Variants in VRTN observed in about 807,000 individuals in gnomAD.
VRTN encodes the protein vertebrae development associated.
In VRTN, 5 loss-of-function variants were observed where a neutral mutation model predicts 18.2. The observed-to-expected ratio is 0.27, with a 90% CI of 0.14 to 0.58. VRTN has a LOEUF of 0.58. Ranked by LOEUF, VRTN falls within the 20% of genes least tolerant of loss-of-function variation. The probability of loss-of-function intolerance (pLI) is 0.91; values close to 1 mark genes in which losing one functional copy is unlikely to be tolerated. For missense variants in VRTN, 741 were observed against 939.4 expected (o/e 0.79, Z 2.76); for synonymous variants, 381 against 393.7 (o/e 0.97, Z 0.38).
chr14:74,311,834 T>C (rs1046435181), intron 1 of VRTN, among the ~76,000 whole-genome samples: 3 of 151,958 alleles, frequency 2.0e-5, no homozygotes, highest in African/African-American at 7.3e-5. Flanking sequence ...AGTGGTGCGA[T>C]CTTGGCTCAC....
chr14:74,345,712 T>C (rs1449220414), upstream of VRTN, among the ~76,000 whole-genome samples: 18 of 150,036 alleles, frequency 1.2e-4, 1 homozygote, highest in South Asian at 1.1e-3. Flanking sequence ...TCACCTGTGG[T>C]CAGGAGTTCG....
chr14:74,318,621 A>G, intron 1 of VRTN, among the ~76,000 whole-genome samples: 1 of 151,696 alleles, frequency 6.6e-6, no homozygotes, highest in Non-Finnish European at 1.5e-5. Flanking sequence ...CATGCTGGCC[A>G]GGCTGGTCTC....
intron 1 of VRTN, among the ~76,000 whole-genome samples, chr14:74,336,828 T>C (rs193090730): frequency 7.0e-4 from 106 of 152,294 alleles, no homozygotes; most frequent in African/African-American, 2.5e-3. Flanking sequence ...TAGGTGACTT[T>C]AGAGAATTGT....
intron 2 of VRTN, among the ~76,000 whole-genome samples, chr14:74,340,500 C>G (rs889786112): frequency 2.0e-5 from 3 of 152,144 alleles, no homozygotes; most frequent in African/African-American, 7.2e-5. Context: ...ACCTCCGCCT[C>G]CCAAAGTGCT....
chr14:74,358,353 C>G lies in VRTN; in HGVS notation c.1570C>G (p.Leu524Val). ...AARRQVLSGHLPFCRFRLRYP... is the reference protein window; with the variant it reads ...AARRQVLSGHVPFCRFRLRYP... The stretch of plus-strand genomic sequence containing the variant: ...CCGCAGGCAGGTGCTGAGTGGGCAT[C>G]TCCCTTTCTGCCGCTTCCGCCTCCG... The change falls in exon 2 of 2, where the codon CTC (leucine) becomes GTC (valine). Residue 524 changes from leucine (L) to valine (V), a missense_variant. Leu to Val is a conservative substitution (Grantham distance 32, BLOSUM62 1). Transcript: ENST00000256362. The surrounding 1 kb of genome is among the most constrained non-coding windows in gnomAD (Gnocchi z 5.4). The G allele has an allele frequency of 6.2e-7, 1 of 1,613,636 alleles. No individual in the cohort carries two copies. The highest frequency in any genetic ancestry group is 8.5e-7 in the Non-Finnish European group (1 of 1,179,974).
chr14:74,321,772 G>A (rs2140197088), intron 1 of VRTN, among the ~76,000 whole-genome samples: 1 of 151,992 alleles, frequency 6.6e-6, no homozygotes, highest in Admixed American at 6.6e-5. Flanking sequence ...CCAAAATGTT[G>A]GGATTACAGG....
chr14:74,348,075 C>T (rs2085655364), upstream of VRTN, among the ~76,000 whole-genome samples: 1 of 152,152 alleles, frequency 6.6e-6, no homozygotes, highest in African/African-American at 2.4e-5. Context: ...TTTGAGGGTT[C>T]AGAGAGCCTC....
chr14:74,338,625 G>A (rs115668642), intron 2 of VRTN, among the ~76,000 whole-genome samples: 2,591 of 152,324 alleles, frequency 0.017, 85 homozygotes, highest in East Asian at 0.06. Context: ...CATAATCACA[G>A]CTCACTGAAG....
intron 1 of VRTN, among the ~76,000 whole-genome samples, chr14:74,335,822 C>A (rs2085560279): frequency 6.6e-6 from 1 of 150,640 alleles, no homozygotes; most frequent in Non-Finnish European, 1.5e-5. Context: ...CTGACTGCAA[C>A]CTCCGCCTCT....
At chr14:74,324,375 G>A (rs184520923) in intron 1 of VRTN, among the ~76,000 whole-genome samples, 1 of 117,628 alleles carries the variant, frequency 8.5e-6, no homozygotes, top group East Asian at 2.7e-4. Flanking sequence ...GTGACAGAGT[G>A]AGACTCTGAC....
chr14:74,342,118 C>T (rs1029472069), intron 2 of VRTN, among the ~76,000 whole-genome samples: 1 of 152,078 alleles, frequency 6.6e-6, no homozygotes, highest in Non-Finnish European at 1.5e-5. Flanking sequence ...ATGGTATGCT[C>T]CTGTTCCTCA....
At chr14:74,319,791 T>C (rs1406549597) in intron 1 of VRTN, among the ~76,000 whole-genome samples, 1 of 152,116 alleles carries the variant, frequency 6.6e-6, no homozygotes, top group East Asian at 1.9e-4. Context: ...CACCTAAGGG[T>C]TGACTGTAGA....
At chr14:74,317,435 T>C (rs2085425242) in intron 1 of VRTN, among the ~76,000 whole-genome samples, 1 of 152,218 alleles carries the variant, frequency 6.6e-6, no homozygotes, top group African/African-American at 2.4e-5. Flanking sequence ...TATTGTCTTC[T>C]AGTGAGTGCT....
chr14:74,358,032 A>G lies in VRTN; in HGVS notation c.1249A>G (p.Thr417Ala). The change falls in exon 2 of 2, where the codon ACA becomes GCA. Residue 417 changes from threonine to alanine, a missense_variant. This residue lies in a region of VRTN where 494 missense variants were observed against 546.5 expected (regional missense o/e 0.90). Transcript: ENST00000256362. This position sits in a 1 kb window ranked among gnomAD's most constrained non-coding sequence, Gnocchi z 5.4. ...LYLEHCISLN[T>A]LVPYRCFKRR... ...CCTGGAGCATTGCATCTCCCTGAACACACTGGTACCCTATCGCTGCTTCAA... is the reference window on the plus strand; with the variant it reads ...CCTGGAGCATTGCATCTCCCTGAACGCACTGGTACCCTATCGCTGCTTCAA... 1 of 1,614,216 alleles carries G rather than the reference A, an allele frequency of 6.2e-7. No individual in the cohort carries two copies. Among genetic ancestry groups the G allele is most frequent in the East Asian group, 2.2e-5 (1 of 44,882 alleles).
chr14:74,316,892 C>T (rs992519706), intron 1 of VRTN, among the ~76,000 whole-genome samples: 3 of 151,942 alleles, frequency 2.0e-5, no homozygotes, highest in Non-Finnish European at 4.4e-5. Context: ...CCGTCTCGGC[C>T]TCCCAAAGTG....
At chr14:74,355,129 G>A (rs2085716238) in intron 1 of VRTN, among the ~76,000 whole-genome samples, 2 of 120,842 alleles carry the variant, frequency 1.7e-5, no homozygotes, top group South Asian at 5.9e-4. Context: ...GTGACAGAAC[G>A]AGACTCAGTC....
chr14:74,332,309 C>G (rs1443453500), intron 1 of VRTN, among the ~76,000 whole-genome samples: 2 of 145,922 alleles, frequency 1.4e-5, no homozygotes, highest in African/African-American at 2.6e-5. Context: ...CTACCTTTCC[C>G]CCTCCGGAGG....
intron 1 of VRTN, among the ~76,000 whole-genome samples, chr14:74,325,954 C>T (rs1805595324): frequency 6.6e-6 from 1 of 152,144 alleles, no homozygotes; most frequent in Non-Finnish European, 1.5e-5. Flanking sequence ...AAAGAGCTTT[C>T]TAGACATCAA....
intron 1 of VRTN, among the ~76,000 whole-genome samples, chr14:74,326,244 A>C (rs1219552312): frequency 6.6e-6 from 1 of 152,192 alleles, no homozygotes; most frequent in East Asian, 1.9e-4. Context: ...GCAGCCAAAG[A>C]GGAACAGAAA....
Sources: allele counts gnomAD v4.1 joint callset (sites outside exome capture counted in the v4.1 genomes callset), GRCh38; gene constraint gnomAD v4.1.1; regional missense constraint gnomAD v4.1.1; non-coding constraint Gnocchi (gnomAD v3.1); transcripts MANE v1.5; gene names NCBI Gene and HGNC (gene_info 2026-07-23, HGNC 2026-07-21).